Variants in IQCK observed in about 807,000 individuals in gnomAD.
IQCK encodes IQ domain-containing protein K.
A neutral mutation model predicts 28.1 loss-of-function variants in IQCK; 29 were observed. The ratio of observed to expected loss-of-function variants is 1.03; its 90% CI spans 0.77 to 1.41. IQCK has a LOEUF of 1.41. Ranked by LOEUF, IQCK falls within the 40% of genes most tolerant of loss-of-function variation. IQCK has a pLI of 0.00. For synonymous variants in IQCK, 113 were observed against 115.1 expected (o/e 0.98, Z 0.12); for missense variants, 359 against 314.7 (o/e 1.14, Z -1.07).
chr16:19,781,095 A>G (rs2151726649), intron 6 of IQCK, among the ~76,000 whole-genome samples: 1 of 152,206 alleles, frequency 6.6e-6, no homozygotes, highest in East Asian at 1.9e-4. Flanking sequence ...GCCTGGGCCC[A>G]CCCTTTAAAT....
chr16:19,823,950 A>G (rs894951366), intron 7 of IQCK, among the ~76,000 whole-genome samples: 4 of 151,956 alleles, frequency 2.6e-5, no homozygotes, highest in African/African-American at 9.7e-5. Flanking sequence ...AAATAAATAA[A>G]TAAATAAATA....
At chr16:19,853,167 G>A (rs1377923358) in intron 9 of IQCK, among the ~76,000 whole-genome samples, 1 of 152,134 alleles carries the variant, frequency 6.6e-6, no homozygotes, top group African/African-American at 2.4e-5. Flanking sequence ...GTTCCATTTG[G>A]TAACGCCAAG....
exon 10 of IQCK, chr16:19,857,929 A>AG (rs1481612264): frequency 6.5e-6 from 1 of 152,876 alleles, no homozygotes; most frequent in African/African-American, 2.4e-5. Flanking sequence ...TTCTATTAAA[A>AG]GGGGGGACAA....
At position 19,769,777 on chromosome 16, in the gene IQCK, T is replaced by C. The variant is rs8062775; in HGVS notation, c.605+5665T>C. On this transcript the variant is annotated intron_variant, in intron 6 of 7. Transcript: ENST00000564186. ...GAGACAGTGCAAAGGACATCTGAGA[T>C]TGGGGAGAGCCTGGAGTTGGGGCTA... Among the ~76,000 whole-genome samples, 1,459 of 152,206 alleles carry C rather than the reference T, an allele frequency of 9.6e-3. 22 individuals are homozygous for C. Among genetic ancestry groups the C allele is most frequent in the African/African-American group, 0.033 (1,384 of 41,526 alleles).
chr16:19,729,924 G>A (rs1335656573), intron 1 of IQCK, among the ~76,000 whole-genome samples: 3 of 151,930 alleles, frequency 2.0e-5, no homozygotes, highest in East Asian at 1.9e-4. Context: ...GATTACAGGC[G>A]TGAGCCACCA....
At chr16:19,734,994 C>CCATT (rs1409863599) in intron 3 of IQCK, among the ~76,000 whole-genome samples, 1 of 151,974 alleles carries the variant, frequency 6.6e-6, no homozygotes, top group Non-Finnish European at 1.5e-5. Context: ...AAGCCCTTAC[C>CCATT]CATTATACTC....
intron 1 of IQCK, among the ~76,000 whole-genome samples, chr16:19,728,916 T>C (rs190083273): frequency 2.0e-5 from 3 of 152,222 alleles, no homozygotes; most frequent in East Asian, 3.8e-4. Flanking sequence ...ATAAAACTTA[T>C]GTCCATACGA....
intron 1 of IQCK, among the ~76,000 whole-genome samples, chr16:19,725,927 T>C (rs1328253312): frequency 2.0e-5 from 3 of 151,970 alleles, no homozygotes; most frequent in Non-Finnish European, 2.9e-5. Flanking sequence ...TTTCTTTTTT[T>C]TTTTTGGAGA....
chr16:19,814,361 C>T (rs1475009366), intron 7 of IQCK, among the ~76,000 whole-genome samples: 1 of 150,852 alleles, frequency 6.6e-6, no homozygotes, highest in Non-Finnish European at 1.5e-5. Flanking sequence ...GCCGAGATCG[C>T]ACCATCGCAC....
intron 6 of IQCK, chr16:19,764,413 GT>G (rs2151710830): frequency 4.4e-6 from 1 of 228,462 alleles, no homozygotes; most frequent in Admixed American, 5.2e-5. Context: ...ATGTCATTAT[GT>G]CTCAGGAAAT....
Position 19,836,958 on chromosome 16 carries a change from A to G in IQCK, c.802+9821A>G, listed in dbSNP as rs1311955656. Among the ~76,000 whole-genome samples the G allele has an allele frequency of 7.9e-5, 12 of 152,344 alleles. No homozygotes were observed. The East Asian group carries it at 2.3e-3, about 29-fold the overall frequency. ...GTGACTCAGTTTGTCTGGCAATACAATGGCAATACTAATACTAGTAACCAA... is the reference window on the plus strand; with the variant it reads ...GTGACTCAGTTTGTCTGGCAATACAGTGGCAATACTAATACTAGTAACCAA... On this transcript the variant is annotated intron_variant, in intron 9 of 9. Coordinates refer to the IQCK transcript ENST00000320394.
chr16:19,827,278 T>A (rs1444892782), downstream of IQCK: 12 of 628,618 alleles, frequency 1.9e-5, no homozygotes. Context: ...AGTGGCTGCA[T>A]ATTAAGATTC....
At chr16:19,733,901 C>A in intron 3 of IQCK, 74 bp downstream of exon 3, 1 of 1,497,434 alleles carries the variant, frequency 6.7e-7, no homozygotes. Flanking sequence ...GGTATGGAGG[C>A]GGACAGATGG....
intron 9 of IQCK, among the ~76,000 whole-genome samples, chr16:19,834,733 C>A (rs1202891889): frequency 6.6e-6 from 1 of 152,192 alleles, no homozygotes; most frequent in African/African-American, 2.4e-5. Context: ...CTCCCTCTTT[C>A]CAAATCCTCT....
chr16:19,786,670 C>T (rs989626168), intron 6 of IQCK, among the ~76,000 whole-genome samples: 1 of 142,090 alleles, frequency 7.0e-6, no homozygotes, highest in African/African-American at 3.0e-5. Context: ...TGTACTCTAG[C>T]CTGGGGGACA....
chr16:19,856,612 A>G (rs1291714410), exon 10 of IQCK: 11 of 1,274,794 alleles, frequency 8.6e-6, no homozygotes, highest in African/African-American at 1.5e-5. Context: ...AAAATGTCCA[A>G]ATGATGCTCT....
chr16:19,818,735 T>C (rs996193832), intron 7 of IQCK, among the ~76,000 whole-genome samples: 9 of 152,172 alleles, frequency 5.9e-5, no homozygotes, highest in African/African-American at 2.2e-4. Context: ...ATTTTCTTTT[T>C]ATTAAGCAAG....
chr16:19,848,800 G>A (rs749173479), intron 9 of IQCK, among the ~76,000 whole-genome samples: 3 of 152,182 alleles, frequency 2.0e-5, no homozygotes, highest in Admixed American at 1.3e-4. Context: ...TGAATACTGC[G>A]TCTGCTTGAT....
intron 2 of IQCK, among the ~76,000 whole-genome samples, chr16:19,733,398 C>T (rs970168943): frequency 6.6e-6 from 1 of 152,082 alleles, no homozygotes; most frequent in African/African-American, 2.4e-5. Flanking sequence ...TTTGGCTTCC[C>T]GAAGTGCTGG....
Sources: allele counts gnomAD v4.1 joint callset (sites outside exome capture counted in the v4.1 genomes callset), GRCh38; gene constraint gnomAD v4.1.1; transcripts MANE v1.5; gene names NCBI Gene and HGNC (gene_info 2026-07-23, HGNC 2026-07-21).